MKLN1: variants seen among roughly 807,000 people sequenced by gnomAD.
MKLN1 encodes muskelin 1, also known as muskelin.
A neutral mutation model predicts 99.0 loss-of-function variants in MKLN1; 18 were observed. The observed-to-expected ratio is 0.18, with a 90% CI of 0.13 to 0.27. The LOEUF (loss-of-function observed/expected upper bound fraction) is 0.27, where lower values mean the gene tolerates loss of function less well. MKLN1 is among the 10% of genes least tolerant of loss of function. The pLI is 1.00. For synonymous variants in MKLN1, 288 were observed against 293.2 expected (o/e 0.98, Z 0.18); for missense variants, 621 against 875.9 (o/e 0.71, Z 3.67).
At chr7:131,364,264 A>G (rs1161962397) in intron 1 of MKLN1, among the ~76,000 whole-genome samples, 1 of 152,116 alleles carries the variant, frequency 6.6e-6, no homozygotes, top group African/African-American at 2.4e-5. Flanking sequence ...TAGATTTTAA[A>G]TCAGAAAGCC....
intron 3 of MKLN1, among the ~76,000 whole-genome samples, chr7:131,235,182 T>G (rs1306965718): frequency 6.6e-6 from 1 of 152,022 alleles, no homozygotes; most frequent in Non-Finnish European, 1.5e-5. Flanking sequence ...TTCTCTCTCT[T>G]TCACTCTATC....
At chr7:131,352,057 C>G (rs1799735657) in intron 1 of MKLN1, among the ~76,000 whole-genome samples, 1 of 152,182 alleles carries the variant, frequency 6.6e-6, no homozygotes, top group African/African-American at 2.4e-5. Flanking sequence ...CTTTTAATCA[C>G]TAGTTTTCAG....
chr7:131,134,726 T>A (rs575912131), intron 1 of MKLN1, among the ~76,000 whole-genome samples: 1 of 152,334 alleles, frequency 6.6e-6, no homozygotes, highest in South Asian at 2.1e-4. Context: ...ACTGCTGCTA[T>A]GGTGACTCAG....
intron 3 of MKLN1, among the ~76,000 whole-genome samples, chr7:131,307,717 C>T (rs1462446132): frequency 6.6e-6 from 1 of 152,182 alleles, no homozygotes; most frequent in Non-Finnish European, 1.5e-5. Flanking sequence ...TTACCCAATA[C>T]CTGAACCCCT....
At chr7:131,459,551 C>T (rs375338525) in intron 12 of MKLN1, among the ~76,000 whole-genome samples, 1 of 152,174 alleles carries the variant, frequency 6.6e-6, no homozygotes, top group South Asian at 2.1e-4. Flanking sequence ...GTTCAAAGTA[C>T]TTAGCATGCC....
In MKLN1 at chr7:131,431,718, A is replaced by G. The variant is rs189241661; in HGVS notation, c.960+2573A>G. 3.2e-4 allele frequency among the ~76,000 whole-genome samples: 49 copies of G among 152,358 alleles called. 1 individual carries two copies. Among genetic ancestry groups the G allele is most frequent in the Admixed American group, 2.9e-3 (45 of 15,304 alleles). ...CAGGAAATTGTAAATAACAACAACA[A>G]TAATAAAACAATTTATTTATCTCAC... On this transcript the variant is annotated intron_variant, in intron 9 of 17. Coordinates refer to ENST00000352689, the MANE Select transcript of MKLN1 (RefSeq NM_013255.5).
At chr7:131,178,279 C>CTTTTTTTT (rs35412933) in intron 2 of MKLN1, among the ~76,000 whole-genome samples, 22 of 72,562 alleles carry the variant, frequency 3.0e-4, no homozygotes, top group South Asian at 4.5e-4. Context: ...ACATGCCCGG[C>CTTTTTTTT]TTTTTTTTTT....
chr7:131,131,258 T>G (rs1795547999), intron 1 of MKLN1, among the ~76,000 whole-genome samples: 1 of 151,668 alleles, frequency 6.6e-6, no homozygotes, highest in Non-Finnish European at 1.5e-5. Flanking sequence ...GCACCTGTAT[T>G]GCCAGCTACT....
At chr7:131,117,644 T>G (rs951120859) in intron 1 of MKLN1, among the ~76,000 whole-genome samples, 2 of 152,232 alleles carry the variant, frequency 1.3e-5, no homozygotes, top group African/African-American at 4.8e-5. Context: ...ACAGTTTACA[T>G]TTTTTGGTCT....
chr7:131,393,495 C>T (rs1395989030), intron 4 of MKLN1, among the ~76,000 whole-genome samples: 1 of 152,172 alleles, frequency 6.6e-6, no homozygotes, highest in Non-Finnish European at 1.5e-5. Flanking sequence ...GATTTACCTC[C>T]TTCCTCTAAA....
At chr7:131,306,507 TG>T (rs1192024483) in intron 3 of MKLN1, among the ~76,000 whole-genome samples, 1 of 152,214 alleles carries the variant, frequency 6.6e-6, no homozygotes, top group Non-Finnish European at 1.5e-5. Context: ...AGGAACTCAC[TG>T]GGAACTGGAG....
At chr7:131,174,515 A>G (rs1032739946) in intron 2 of MKLN1, among the ~76,000 whole-genome samples, 3 of 152,088 alleles carry the variant, frequency 2.0e-5, no homozygotes, top group African/African-American at 7.2e-5. Flanking sequence ...TCTCTTCTTA[A>G]TCCTTCTTTA....
At chr7:131,190,333 C>T (rs1240189868) in intron 2 of MKLN1, among the ~76,000 whole-genome samples, 1 of 152,040 alleles carries the variant, frequency 6.6e-6, no homozygotes, top group African/African-American at 2.4e-5. Flanking sequence ...TGTGTTTTCT[C>T]TCAGACCTAC....
intron 3 of MKLN1, among the ~76,000 whole-genome samples, chr7:131,293,227 T>C (rs897606506): frequency 3.9e-5 from 6 of 152,246 alleles, no homozygotes; most frequent in African/African-American, 1.4e-4. Flanking sequence ...GCTGAGATCA[T>C]CCCAGACTGA....
chr7:131,125,062 G>A (rs557891283), intron 1 of MKLN1, among the ~76,000 whole-genome samples: 14 of 152,270 alleles, frequency 9.2e-5, no homozygotes, highest in African/African-American at 3.4e-4. Context: ...TCTCTCCACT[G>A]GCTGTATGCA....
At chr7:131,337,259 C>T (rs1286499023) in intron 1 of MKLN1, among the ~76,000 whole-genome samples, 5 of 152,072 alleles carry the variant, frequency 3.3e-5, no homozygotes, top group African/African-American at 1.2e-4. Context: ...TATGACTGAT[C>T]AGCTGTGAAA....
intron 3 of MKLN1, among the ~76,000 whole-genome samples, chr7:131,286,331 A>G (rs1199351189): frequency 6.6e-6 from 1 of 152,192 alleles, no homozygotes; most frequent in Admixed American, 6.5e-5. Context: ...ATCAGTCCTC[A>G]GCTCTTATAT....
At chr7:131,323,512 AG>A (rs1173296030), upstream of MKLN1, 3 of 152,212 alleles carry the variant, frequency 2.0e-5, no homozygotes, top group African/African-American at 7.2e-5. Context: ...GTATATCAAA[AG>A]ATCCCCATTT....
chr7:131,343,462 G>A (rs1320121240), intron 1 of MKLN1, among the ~76,000 whole-genome samples: 8 of 152,018 alleles, frequency 5.3e-5, no homozygotes, highest in Non-Finnish European at 1.2e-4. Context: ...TTATTTTATA[G>A]TTACACTATT....
Sources: allele counts gnomAD v4.1 joint callset (sites outside exome capture counted in the v4.1 genomes callset), GRCh38; gene constraint gnomAD v4.1.1; transcripts MANE v1.5; gene names NCBI Gene and HGNC (gene_info 2026-07-23, HGNC 2026-07-21).